TRPM3: variants seen among roughly 807,000 people sequenced by gnomAD.
TRPM3 encodes long transient receptor potential channel 3.
TRPM3 carries 77 observed loss-of-function variants against 181.2 expected under a neutral mutation model. The observed-to-expected ratio is 0.42, with a 90% CI of 0.35 to 0.51. TRPM3 has a LOEUF of 0.51. TRPM3 is among the 20% of genes least tolerant of loss of function. The pLI is 0.01. For synonymous variants in TRPM3, 745 were observed against 796.4 expected, an observed-to-expected ratio of 0.94 and a Z score of 1.09; for missense variants, 1,759 against 2,196.7, an observed-to-expected ratio of 0.80 and a Z score of 3.98.
chr9:70,969,469 G>A (rs2097217138), intron 1 of TRPM3, among the ~76,000 whole-genome samples: 1 of 151,494 alleles, frequency 6.6e-6, no homozygotes, highest in South Asian at 2.1e-4. Flanking sequence ...AATAAAATAT[G>A]AATGTTGTTA....
chr9:70,965,826 C>T (rs1681510516), intron 1 of TRPM3, among the ~76,000 whole-genome samples: 1 of 151,930 alleles, frequency 6.6e-6, no homozygotes, highest in Non-Finnish European at 1.5e-5. Flanking sequence ...GCGGACAAGT[C>T]TGTCCTCCTC....
At chr9:71,088,628 A>G (rs1336227132) in intron 1 of TRPM3, among the ~76,000 whole-genome samples, 1 of 152,124 alleles carries the variant, frequency 6.6e-6, no homozygotes, top group African/African-American at 2.4e-5. Context: ...CAAGAAGCCA[A>G]TTGACATTAC....
chr9:71,278,764 T>C (rs1168560462), intron 1 of TRPM3, among the ~76,000 whole-genome samples: 4 of 152,120 alleles, frequency 2.6e-5, no homozygotes, highest in Non-Finnish European at 5.9e-5. Context: ...AGAAATAACC[T>C]GGACATGTAT....
At chr9:71,430,819 A>G (rs1008025422) in intron 1 of TRPM3, among the ~76,000 whole-genome samples, 5 of 152,138 alleles carry the variant, frequency 3.3e-5, no homozygotes, top group African/African-American at 9.7e-5. Flanking sequence ...TTAAAAAAAA[A>G]AGAATGCTTG....
chr9:71,141,414 T>G (rs1390645030), intron 1 of TRPM3, among the ~76,000 whole-genome samples: 1 of 152,198 alleles, frequency 6.6e-6, no homozygotes. Context: ...CAGTTCAAAA[T>G]GATTGTAACA....
chr9:70,700,226 A>C (rs1250683282), intron 8 of TRPM3, among the ~76,000 whole-genome samples: 1 of 152,110 alleles, frequency 6.6e-6, no homozygotes, highest in African/African-American at 2.4e-5. Context: ...CAGGTGATGC[A>C]CCTGCCCCAG....
intron 1 of TRPM3, among the ~76,000 whole-genome samples, chr9:70,891,770 T>C (rs926847037): frequency 7.2e-5 from 11 of 152,300 alleles, no homozygotes; most frequent in African/African-American, 2.4e-4. Context: ...ATGCATTATC[T>C]GATTTAATCC....
rs116604078 is a variant in TRPM3 at position 70,959,496 on chromosome 9, A to G, written c.178-94985T>C. On this transcript the variant is annotated intron_variant, in intron 1 of 25. Coordinates refer to ENST00000677713, the MANE Select transcript of TRPM3 (RefSeq NM_001366145.2). ...AAAGCACCAAAAAAGAAAGAAAGGCATGCTCATTTGGCAGTCAAGGAACAC... is the reference window on the plus strand; with the variant it reads ...AAAGCACCAAAAAAGAAAGAAAGGCGTGCTCATTTGGCAGTCAAGGAACAC... Among the ~76,000 whole-genome samples, 462 of 152,140 alleles carry G rather than the reference A, an allele frequency of 3.0e-3. 3 individuals are homozygous for G. The highest frequency in any genetic ancestry group is 0.01 in the African/African-American group (424 of 41,560).
At chr9:70,871,258 A>G (rs2095785055) in intron 1 of TRPM3, among the ~76,000 whole-genome samples, 1 of 151,978 alleles carries the variant, frequency 6.6e-6, no homozygotes, top group African/African-American at 2.4e-5. Context: ...AATATTCTCA[A>G]TGTAAGAAAT....
intron 1 of TRPM3, among the ~76,000 whole-genome samples, chr9:70,967,849 G>T (rs1248771519): frequency 6.6e-6 from 1 of 151,894 alleles, no homozygotes; most frequent in Non-Finnish European, 1.5e-5. Context: ...GGGTTTAATG[G>T]TCCCCACAAT....
At chr9:70,987,598 T>C (rs2097434326) in intron 1 of TRPM3, among the ~76,000 whole-genome samples, 1 of 152,124 alleles carries the variant, frequency 6.6e-6, no homozygotes, top group Non-Finnish European at 1.5e-5. Context: ...ACCAACCTAA[T>C]AGAACTTGTG....
intron 1 of TRPM3, among the ~76,000 whole-genome samples, chr9:71,377,304 C>T (rs879638162): frequency 1.3e-5 from 2 of 151,952 alleles, no homozygotes; most frequent in South Asian, 2.1e-4. Flanking sequence ...TTTTTAATCT[C>T]GGAGATGGAA....
intron 1 of TRPM3, among the ~76,000 whole-genome samples, chr9:71,081,160 C>T (rs975473289): frequency 6.6e-6 from 1 of 152,188 alleles, no homozygotes; most frequent in Non-Finnish European, 1.5e-5. Context: ...GAAATGTACT[C>T]TGCCTTTACA....
In TRPM3 at chr9:70,530,089, T is replaced by A. The variant is rs2040679768; in HGVS notation, c.*5864A>T. The A allele has an allele frequency of 6.6e-6, 1 of 152,160 alleles. No homozygotes were observed. The highest frequency in any genetic ancestry group is 2.4e-5 in the African/African-American group (1 of 41,400). 9.4% of individuals were successfully genotyped at this position (152,160 alleles called of 1,614,324 possible). A position where few individuals can be genotyped will look rare whatever the true frequency, so the allele number is the denominator to read the frequency against. Reference sequence around the variant, plus strand: ...TTAGAGAGGCAAAAATTGGACGAGGTCAATGTGAACACCAGCCGGGGTAGA... The same window carrying A: ...TTAGAGAGGCAAAAATTGGACGAGGACAATGTGAACACCAGCCGGGGTAGA... On this transcript the variant is annotated 3_prime_UTR_variant, in exon 26 of 26. Transcript: ENST00000677713.
At chr9:70,898,531 C>G (rs1431363561) in intron 1 of TRPM3, among the ~76,000 whole-genome samples, 3 of 150,528 alleles carry the variant, frequency 2.0e-5, no homozygotes, top group South Asian at 2.1e-4. Flanking sequence ...GGGCGGATCA[C>G]GAGGCCAGGA....
intron 1 of TRPM3, among the ~76,000 whole-genome samples, chr9:71,366,935 A>AGC (rs2092355204): frequency 6.6e-6 from 1 of 152,174 alleles, no homozygotes; most frequent in Non-Finnish European, 1.5e-5. Context: ...ATTTTTATAG[A>AGC]GCAAATGAGT....
intron 1 of TRPM3, among the ~76,000 whole-genome samples, chr9:71,004,461 G>T (rs373878737): frequency 1.3e-4 from 20 of 152,370 alleles, no homozygotes; most frequent in Non-Finnish European, 1.9e-4. Context: ...TTAAGCTCCA[G>T]TGTTAAGTAG....
chr9:71,041,507 T>C (rs1485595144), intron 1 of TRPM3, among the ~76,000 whole-genome samples: 2 of 152,120 alleles, frequency 1.3e-5, no homozygotes, highest in African/African-American at 2.4e-5. Context: ...TAAATATATA[T>C]GCATAAGTAT....
intron 8 of TRPM3, among the ~76,000 whole-genome samples, chr9:70,700,398 C>T (rs1473316185): frequency 6.6e-6 from 1 of 152,100 alleles, no homozygotes; most frequent in Non-Finnish European, 1.5e-5. Flanking sequence ...CAGGGCAGGA[C>T]CCTGGAAGAT....
Sources: gnomAD v4.1 joint callset for allele counts (sites outside exome capture counted in the v4.1 genomes callset) on GRCh38, gnomAD v4.1.1 for gene constraint, MANE v1.5 for transcripts, NCBI Gene and HGNC (gene_info 2026-07-23, HGNC 2026-07-21) for gene names.